Variants in TRIO observed in about 807,000 individuals in gnomAD.
The protein encoded by TRIO is triple functional domain protein.
In TRIO, 58 loss-of-function variants were observed where a neutral mutation model predicts 351.9. The ratio of observed to expected loss-of-function variants is 0.16; its 90% CI spans 0.13 to 0.21. TRIO has a LOEUF of 0.21. Among genes scored for constraint, TRIO ranks in the 10% least tolerant of loss-of-function variants. The probability of loss-of-function intolerance (pLI) is 1.00; values close to 1 mark genes in which losing one functional copy is unlikely to be tolerated. For missense variants in TRIO, 3,201 were observed against 4,027.8 expected (o/e 0.79, Z 5.56); for synonymous variants, 1,758 against 1,595.7 (o/e 1.10, Z -2.42).
At chr5:14,348,308 T>C (rs532958070) in intron 11 of TRIO, among the ~76,000 whole-genome samples, 97 of 152,388 alleles carry the variant, frequency 6.4e-4, no homozygotes, top group Admixed American at 3.1e-3. Context: ...CAGATTACAC[T>C]GGTTATTTAT....
intron 9 of TRIO, among the ~76,000 whole-genome samples, chr5:14,328,154 A>G (rs937591553): frequency 1.5e-4 from 23 of 152,246 alleles, no homozygotes; most frequent in South Asian, 4.1e-4. Flanking sequence ...TGCACGCCCA[A>G]TACGCTAGTT....
intron 1 of TRIO, among the ~76,000 whole-genome samples, chr5:14,214,289 C>G (rs1277100335): frequency 6.6e-6 from 1 of 152,206 alleles, no homozygotes; most frequent in Non-Finnish European, 1.5e-5. Flanking sequence ...CAGAGCCCTT[C>G]AGGCCCCAAG....
At chr5:14,505,577 C>A (rs1476958667) in intron 55 of TRIO, among the ~76,000 whole-genome samples, 1 of 152,216 alleles carries the variant, frequency 6.6e-6, no homozygotes, top group African/African-American at 2.4e-5. Flanking sequence ...CCGGCAGGAA[C>A]TCCCTCCAGG....
intron 34 of TRIO, among the ~76,000 whole-genome samples, chr5:14,428,552 G>T (rs972805049): frequency 2.0e-5 from 3 of 152,316 alleles, no homozygotes; most frequent in South Asian, 4.1e-4. Flanking sequence ...TGAGAGATCA[G>T]TCTGAGACCT....
intron 1 of TRIO, among the ~76,000 whole-genome samples, chr5:14,178,598 CTG>C (rs1226964939): frequency 2.0e-5 from 3 of 152,192 alleles, no homozygotes; most frequent in Non-Finnish European, 4.4e-5. Context: ...TAAACTGAGA[CTG>C]TGTCTGTCAA....
Position 14,368,705 on chromosome 5 carries a change from T to A in TRIO, c.2875-3T>A. The A allele has an allele frequency of 1.9e-6, 3 of 1,611,156 alleles. No homozygotes were observed. Among genetic ancestry groups the A allele is most frequent in the Non-Finnish European group, 2.5e-6 (3 of 1,177,648 alleles). On this transcript the variant is annotated splice_region_variant and splice_polypyrimidine_tract_variant and intron_variant, in intron 16 of 56. Coordinates refer to ENST00000344204, the MANE Select transcript of TRIO (RefSeq NM_007118.4). ...AGCCTTCCCTTTTGTTCTCTGTCTC[T>A]AGAAAACACATCAGAGCGCGCTGCA...
At chr5:14,257,087 C>T (rs1036830044) in intron 1 of TRIO, among the ~76,000 whole-genome samples, 2 of 152,148 alleles carry the variant, frequency 1.3e-5, no homozygotes, top group Non-Finnish European at 1.5e-5. Context: ...AGATGTTTGC[C>T]TATTGAAAAG....
At chr5:14,408,589 G>A (rs1251117430) in intron 33 of TRIO, among the ~76,000 whole-genome samples, 1 of 152,086 alleles carries the variant, frequency 6.6e-6, no homozygotes, top group Non-Finnish European at 1.5e-5. Flanking sequence ...TAAAGTTTGA[G>A]CTTGGAAACA....
intron 1 of TRIO, among the ~76,000 whole-genome samples, chr5:14,165,596 G>A (rs1030757775): frequency 3.3e-5 from 5 of 152,046 alleles, no homozygotes; most frequent in Admixed American, 1.3e-4. Flanking sequence ...TTGACCCTCT[G>A]TCTGTCTTTC....
chr5:14,401,883 G>A (rs1450111848), intron 31 of TRIO, among the ~76,000 whole-genome samples: 1 of 152,154 alleles, frequency 6.6e-6, no homozygotes, highest in African/African-American at 2.4e-5. Flanking sequence ...GGACTCTGGT[G>A]TATGAACCTG....
At chr5:14,191,015 C>CA (rs1790425619) in intron 1 of TRIO, among the ~76,000 whole-genome samples, 1 of 152,146 alleles carries the variant, frequency 6.6e-6, no homozygotes, top group Non-Finnish European at 1.5e-5. Context: ...GCGTGTTCTC[C>CA]AAAGGGGCAG....
chr5:14,174,663 A>T (rs1789300341), intron 1 of TRIO, among the ~76,000 whole-genome samples: 1 of 152,236 alleles, frequency 6.6e-6, no homozygotes, highest in Non-Finnish European at 1.5e-5. Context: ...CCAGTTAAGA[A>T]GATGTTCTTT....
chr5:14,276,762 G>A (rs377493271), intron 2 of TRIO, among the ~76,000 whole-genome samples: 1 of 152,204 alleles, frequency 6.6e-6, no homozygotes, highest in Admixed American at 6.5e-5. Context: ...ATAAGTGAAA[G>A]GTGAGCTTCT....
intron 1 of TRIO, among the ~76,000 whole-genome samples, chr5:14,221,327 G>A (rs186524215): frequency 2.7e-3 from 411 of 152,176 alleles, no homozygotes; most frequent in Non-Finnish European, 4.8e-3. Context: ...GTTTCATGCC[G>A]GCTAACACAA....
intron 1 of TRIO, among the ~76,000 whole-genome samples, chr5:14,210,190 G>A (rs77178994): frequency 1.8e-3 from 268 of 152,348 alleles, no homozygotes; most frequent in African/African-American, 6.2e-3. Flanking sequence ...GATGAACGGG[G>A]AAGTTCTGTG....
intron 11 of TRIO, among the ~76,000 whole-genome samples, chr5:14,357,459 A>T (rs1343512086): frequency 6.6e-6 from 1 of 152,104 alleles, no homozygotes; most frequent in Non-Finnish European, 1.5e-5. Flanking sequence ...CCTGGCTCCC[A>T]CCTGGCCCAA....
chr5:14,242,642 A>C (rs1794196066), intron 1 of TRIO, among the ~76,000 whole-genome samples: 1 of 152,270 alleles, frequency 6.6e-6, no homozygotes, highest in East Asian at 1.9e-4. Flanking sequence ...TGGCAGGATC[A>C]TGGGTCATCG....
intron 20 of TRIO, among the ~76,000 whole-genome samples, chr5:14,378,772 C>T (rs908612806): frequency 6.6e-6 from 1 of 152,110 alleles, no homozygotes; most frequent in African/African-American, 2.4e-5. Flanking sequence ...GTTGGCCAGC[C>T]TGGTCTCGAA....
Position 14,471,389 on chromosome 5 carries a change from G to A in TRIO, c.5835G>A (p.Ser1945=), listed in dbSNP as rs368260455. The A allele has an allele frequency of 2.7e-5, 43 of 1,613,932 alleles. No individual in the cohort carries two copies. In the African/African-American group the frequency reaches 3.7e-4, roughly 14 times the overall value. The change falls in exon 38 of 57, where the codon TCG becomes TCA. Residue 1945 remains serine (S), a synonymous_variant. Transcript: ENST00000344204. ...GDSSSPSFNP[S]DNSLLSSSSP... ...GTAGCAGCCCTTCCTTCAACCCTTC[G>A]GATAATTCCCTTCTCTCTTCCTCCT... is the stretch of plus-strand genomic sequence containing the variant.
Sources: allele counts gnomAD v4.1 joint callset (sites outside exome capture counted in the v4.1 genomes callset), GRCh38; gene constraint gnomAD v4.1.1; transcripts MANE v1.5; gene names NCBI Gene and HGNC (gene_info 2026-07-23, HGNC 2026-07-21).